The following CHCHD3 variants were observed in gnomAD, a reference collection of about 807,000 sequenced individuals.
The protein encoded by CHCHD3 is coiled-coil-helix-coiled-coil-helix domain containing 3.
In CHCHD3, 20 loss-of-function variants were observed where a neutral mutation model predicts 38.2. The ratio of observed to expected loss-of-function variants is 0.52; its 90% CI spans 0.37 to 0.76. The LOEUF is 0.76. CHCHD3 is among the 30% of genes least tolerant of loss of function. CHCHD3 has a pLI of 0.00. For missense variants in CHCHD3, 245 were observed against 279.2 expected, an observed-to-expected ratio of 0.88 and a Z score of 0.87; for synonymous variants, 82 against 100.0, an observed-to-expected ratio of 0.82 and a Z score of 1.07.
chr7:132,936,015 A>T (rs1810624770), intron 4 of CHCHD3, among the ~76,000 whole-genome samples: 1 of 152,226 alleles, frequency 6.6e-6, no homozygotes, highest in African/African-American at 2.4e-5. Context: ...AGATAACAGC[A>T]GTAATCCATT....
chr7:133,054,272 C>T (rs1814249520), intron 2 of CHCHD3, among the ~76,000 whole-genome samples: 2 of 152,110 alleles, frequency 1.3e-5, no homozygotes, highest in Non-Finnish European at 2.9e-5. Context: ...TATCCAACAA[C>T]GACATTCTGC....
chr7:132,921,813 C>A (rs1405172671), intron 4 of CHCHD3, among the ~76,000 whole-genome samples: 2 of 152,214 alleles, frequency 1.3e-5, no homozygotes, highest in African/African-American at 2.4e-5. Context: ...GATGATGACA[C>A]TGGGTTGGTG....
chr7:132,972,529 A>G, intron 4 of CHCHD3: 1 of 922,210 alleles, frequency 1.1e-6, no homozygotes, highest in Middle Eastern at 5.5e-4. Context: ...TCTTGATCCA[A>G]TGAATATGTA....
chr7:132,902,368 C>T (rs1392531204), intron 4 of CHCHD3, among the ~76,000 whole-genome samples: 4 of 152,218 alleles, frequency 2.6e-5, no homozygotes, highest in East Asian at 1.9e-4. Context: ...CACACACATA[C>T]GTATGTTTAT....
intron 5 of CHCHD3, among the ~76,000 whole-genome samples, chr7:132,839,955 A>AT (rs1038882286): frequency 2.0e-5 from 3 of 152,214 alleles, no homozygotes; most frequent in Non-Finnish European, 4.4e-5. Context: ...ATCGATTGTA[A>AT]TTTTTTATCA....
intron 5 of CHCHD3, among the ~76,000 whole-genome samples, chr7:132,872,552 T>G (rs980103646): frequency 3.3e-5 from 5 of 152,234 alleles, no homozygotes; most frequent in African/African-American, 4.8e-5. Context: ...TACAATTTCC[T>G]TACTTTCAGC....
In CHCHD3 at chr7:132,984,408, C is replaced by G. The variant is rs1237120994; in HGVS notation, c.252-9122G>C. Among the ~76,000 whole-genome samples the G allele has an allele frequency of 6.7e-5, 10 of 149,592 alleles. No individual in the cohort carries two copies. The South Asian group carries it at 1.7e-3, about 26-fold the overall frequency. ...GGAGTGCAGTGGCGTGATCTCGGCTCGCTACAACCTCCACCTCCCAGCTGC... is the reference window on the plus strand; with the variant it reads ...GGAGTGCAGTGGCGTGATCTCGGCTGGCTACAACCTCCACCTCCCAGCTGC... On this transcript the variant is annotated intron_variant, in intron 3 of 7. Transcript: ENST00000262570.
rs114090669 is a variant in CHCHD3, at chr7:132,903,887, T to G, written c.370-18142A>C. 6.5e-3 allele frequency among the ~76,000 whole-genome samples: 989 copies of G among 152,264 alleles called. 11 individuals are homozygous for G. Among genetic ancestry groups the G allele is most frequent in the African/African-American group, 0.022 (920 of 41,560 alleles). ...CCACCCTTAAGCCTTTTAAACTGCA[T>G]GTGAGTATATTACATGTAAAATCAT... On this transcript the variant is annotated intron_variant, in intron 4 of 7. Coordinates refer to ENST00000262570, the MANE Select transcript of CHCHD3 (RefSeq NM_017812.4).
chr7:132,786,988 G>A (rs1418133331), intron 7 of CHCHD3, among the ~76,000 whole-genome samples: 1 of 152,162 alleles, frequency 6.6e-6, no homozygotes, highest in African/African-American at 2.4e-5. Context: ...CCTGTAGCTG[G>A]AGCGAGCAGG....
At position 133,058,070 on chromosome 7, in the gene CHCHD3, C is replaced by G. The variant is rs558283047; in HGVS notation, c.169+12072G>C. Among the ~76,000 whole-genome samples the G allele has an allele frequency of 2.6e-5, 4 of 152,178 alleles. No homozygotes were observed. In the East Asian group the frequency reaches 7.7e-4, roughly 29 times the overall value. ...ATGTTATTAAGAAAAATTAAAGAAACATATTGTGCTCAATGAGTATCTTTG... is the reference window on the plus strand; with the variant it reads ...ATGTTATTAAGAAAAATTAAAGAAAGATATTGTGCTCAATGAGTATCTTTG... On this transcript the variant is annotated intron_variant, in intron 2 of 7. Coordinates refer to ENST00000262570, the MANE Select transcript of CHCHD3 (RefSeq NM_017812.4).
At position 132,793,095 on chromosome 7, in the gene CHCHD3, C is replaced by T. The variant is rs544301752; in HGVS notation, c.660+3347G>A. ...ACCCATGAGCAAATACTATTGGCTTCTCATTCCCGCTCCTTTCCATTTCTC... is the reference window on the plus strand; with the variant it reads ...ACCCATGAGCAAATACTATTGGCTTTTCATTCCCGCTCCTTTCCATTTCTC... On this transcript the variant is annotated intron_variant, in intron 7 of 7. Transcript: ENST00000262570. Among the ~76,000 whole-genome samples the T allele has an allele frequency of 3.9e-5, 6 of 152,322 alleles. No homozygotes were observed. In the South Asian group the frequency reaches 1.2e-3, roughly 32 times the overall value.
intron 5 of CHCHD3, among the ~76,000 whole-genome samples, chr7:132,854,040 G>T (rs1358339795): frequency 1.3e-5 from 2 of 152,132 alleles, no homozygotes; most frequent in Non-Finnish European, 2.9e-5. Flanking sequence ...TGCATTAAGT[G>T]TCAATGAGTA....
At chr7:133,013,716 AT>A (rs1237506165) in intron 3 of CHCHD3, among the ~76,000 whole-genome samples, 2 of 152,274 alleles carry the variant, frequency 1.3e-5, no homozygotes, top group East Asian at 3.9e-4. Context: ...TAACATGCTC[AT>A]TTTGTTTTAA....
chr7:133,037,341 T>C (rs1286385589), intron 2 of CHCHD3, among the ~76,000 whole-genome samples: 2 of 152,190 alleles, frequency 1.3e-5, no homozygotes, highest in Non-Finnish European at 1.5e-5. Context: ...GCAAATTAAA[T>C]GTCCAAAAAC....
At chr7:132,843,917 C>T (rs1270626471) in intron 5 of CHCHD3, among the ~76,000 whole-genome samples, 1 of 152,178 alleles carries the variant, frequency 6.6e-6, no homozygotes, top group Non-Finnish European at 1.5e-5. Flanking sequence ...AAGATGTGTA[C>T]ATTCCCTCCC....
chr7:132,947,234 A>T (rs1014154211), intron 4 of CHCHD3, among the ~76,000 whole-genome samples: 3 of 151,952 alleles, frequency 2.0e-5, no homozygotes, highest in Admixed American at 1.3e-4. Flanking sequence ...ATTAAACAAA[A>T]ATTGAATGAA....
In CHCHD3 at chr7:133,057,556, C is replaced by T. The variant is rs147981135; in HGVS notation, c.169+12586G>A. ...CAGCTAGGGTGATACAGTAAGACCT[C>T]GTCTCAAAAAAAGAAAAAAAAAGAA... On this transcript the variant is annotated intron_variant, in intron 2 of 7. Coordinates refer to ENST00000262570, the MANE Select transcript of CHCHD3 (RefSeq NM_017812.4). Among the ~76,000 whole-genome samples, 12 of 151,366 alleles carry T rather than the reference C, an allele frequency of 7.9e-5. No homozygotes were observed. In the East Asian group the frequency reaches 1.7e-3, roughly 22 times the overall value.
At chr7:132,881,696 G>A (rs74912299) in intron 5 of CHCHD3, among the ~76,000 whole-genome samples, 7,496 of 152,226 alleles carry the variant, frequency 0.049, 227 homozygotes, top group East Asian at 0.1. Flanking sequence ...TAAGTTAGAT[G>A]ATTCTGCAAA....
In CHCHD3 at chr7:132,811,347, C is replaced by T. The variant is rs186702743; in HGVS notation, c.525-14770G>A. Among the ~76,000 whole-genome samples, 1,069 of 152,364 alleles carry T rather than the reference C, an allele frequency of 7.0e-3. 9 individuals are homozygous for T. The highest frequency in any genetic ancestry group is 0.034 in the Middle Eastern group (10 of 294). ...CAGTGATGGAAATGTACTAAATCTA[C>T]GCTGTCCCAACATGGTGGTCACACC... On this transcript the variant is annotated intron_variant, in intron 6 of 7. Coordinates refer to ENST00000262570, the MANE Select transcript of CHCHD3 (RefSeq NM_017812.4).
Sources: allele counts gnomAD v4.1 joint callset (sites outside exome capture counted in the v4.1 genomes callset), GRCh38; gene constraint gnomAD v4.1.1; transcripts MANE v1.5; gene names NCBI Gene and HGNC (gene_info 2026-07-23, HGNC 2026-07-21).